The following PPFIBP2 variants were observed in gnomAD, a reference collection of about 807,000 sequenced individuals.
PPFIBP2 encodes the protein liprin-beta-2.
A neutral mutation model predicts 118.3 loss-of-function variants in PPFIBP2; 118 were observed. The ratio of observed to expected loss-of-function variants is 1.00; its 90% CI spans 0.86 to 1.16. The LOEUF (loss-of-function observed/expected upper bound fraction) is 1.16, where lower values mean the gene tolerates loss of function less well. PPFIBP2 is among the 50% of genes most tolerant of loss of function. The pLI is 0.00. For missense variants in PPFIBP2, 1,195 were observed against 1,073.1 expected (o/e 1.11, Z -1.59); for synonymous variants, 414 against 397.4 (o/e 1.04, Z -0.50).
intron 2 of PPFIBP2, among the ~76,000 whole-genome samples, chr11:7,560,485 T>C (rs1176189585): frequency 6.6e-6 from 1 of 152,172 alleles, no homozygotes; most frequent in Non-Finnish European, 1.5e-5. Context: ...CTTTAGATAA[T>C]TGTTTTTTAT....
At position 7,527,726 on chromosome 11, in the gene PPFIBP2, C is replaced by T. The variant is rs142724321; in HGVS notation, c.-37+13605C>T. 1.8e-4 allele frequency among the ~76,000 whole-genome samples: 27 copies of T among 152,160 alleles called. No individual in the cohort carries two copies. The East Asian group carries it at 4.4e-3, about 25-fold the overall frequency. The stretch of plus-strand genomic sequence containing the variant: ...AGGAAAGACAGGGACCAGAGTTGCC[C>T]GTTTCTATGGGGCTGAAGGGAATTG... On this transcript the variant is annotated intron_variant, in intron 1 of 23. Coordinates refer to ENST00000299492, the MANE Select transcript of PPFIBP2 (RefSeq NM_003621.5).
At chr11:7,636,540 C>T (rs1480112772) in intron 14 of PPFIBP2, among the ~76,000 whole-genome samples, 1 of 152,058 alleles carries the variant, frequency 6.6e-6, no homozygotes, top group Non-Finnish European at 1.5e-5. Context: ...GAAAGGCTTC[C>T]TATGGCGTCA....
At chr11:7,577,558 C>T (rs1382543281) in intron 3 of PPFIBP2, 2 of 456,434 alleles carry the variant, frequency 4.4e-6, no homozygotes, top group Non-Finnish European at 8.8e-6. Flanking sequence ...CTTTTTCCAC[C>T]AAGGCATCTA....
At chr11:7,597,351 A>C in intron 4 of PPFIBP2, 1 of 1,535,792 alleles carries the variant, frequency 6.5e-7, no homozygotes, top group Non-Finnish European at 8.7e-7. Context: ...TCATCAGAGC[A>C]GTGGCCGAGA....
downstream of PPFIBP2, chr11:7,653,824 C>T (rs980296992): frequency 8.5e-7 from 1 of 1,183,176 alleles, no homozygotes; most frequent in African/African-American, 1.6e-5. Flanking sequence ...AAATGGAGTC[C>T]TACGGATTGC....
downstream of PPFIBP2, among the ~76,000 whole-genome samples, chr11:7,655,821 A>G (rs1489516886): frequency 6.6e-6 from 1 of 151,662 alleles, no homozygotes; most frequent in African/African-American, 2.4e-5. Flanking sequence ...GCAACTCTAG[A>G]TCACCTGTCT....
the PPFIBP2 span, among the ~76,000 whole-genome samples, chr11:7,664,041 A>G: frequency 6.6e-6 from 1 of 151,968 alleles, no homozygotes; most frequent in Admixed American, 6.6e-5. Flanking sequence ...ACCTACACCC[A>G]CTGTCTGGCA....
the PPFIBP2 span, among the ~76,000 whole-genome samples, chr11:7,664,183 C>G: frequency 6.6e-6 from 1 of 152,144 alleles, no homozygotes. Flanking sequence ...TGCATGTTGT[C>G]ATTCTTAATG....
At chr11:7,598,720 T>C (rs943629220) in intron 5 of PPFIBP2, among the ~76,000 whole-genome samples, 3 of 152,150 alleles carry the variant, frequency 2.0e-5, no homozygotes, top group East Asian at 3.8e-4. Flanking sequence ...TTATAATCTT[T>C]CCTCCAAAAG....
At chr11:7,604,530 C>T (rs1847099645) in intron 5 of PPFIBP2, among the ~76,000 whole-genome samples, 2 of 149,910 alleles carry the variant, frequency 1.3e-5, no homozygotes, top group African/African-American at 4.9e-5. Context: ...CCTCCACACA[C>T]CTACTCACCC....
At chr11:7,544,752 C>G (rs1394548091) in intron 1 of PPFIBP2, among the ~76,000 whole-genome samples, 1 of 130,868 alleles carries the variant, frequency 7.6e-6, no homozygotes, top group Non-Finnish European at 1.6e-5. Flanking sequence ...CCAGCCTGGG[C>G]AACAGGGTGA....
chr11:7,634,966 G>A (rs1363908194), intron 13 of PPFIBP2, among the ~76,000 whole-genome samples: 2 of 152,160 alleles, frequency 1.3e-5, no homozygotes, highest in African/African-American at 2.4e-5. Context: ...ATGAATTAAT[G>A]TGAATAAAGG....
At chr11:7,569,615 G>C (rs1855424801) in intron 3 of PPFIBP2, among the ~76,000 whole-genome samples, 2 of 152,312 alleles carry the variant, frequency 1.3e-5, no homozygotes, top group South Asian at 4.1e-4. Context: ...GTGTCTTGGG[G>C]TCTAAGATGG....
chr11:7,578,993 C>T (rs4758198), intron 3 of PPFIBP2, among the ~76,000 whole-genome samples: 1 of 151,228 alleles, frequency 6.6e-6, no homozygotes, highest in Admixed American at 6.6e-5. Context: ...TTTGGGCAAC[C>T]TGGTTTGTGT....
chr11:7,515,953 C>T (rs1849192904), intron 1 of PPFIBP2, among the ~76,000 whole-genome samples: 1 of 152,168 alleles, frequency 6.6e-6, no homozygotes, highest in Non-Finnish European at 1.5e-5. Flanking sequence ...TTCCATAGGT[C>T]AGGGGTGGGA....
Position 7,641,639 on chromosome 11 carries a change from T to C in PPFIBP2, c.1517+19T>C. The stretch of plus-strand genomic sequence containing the variant: ...GGGGAAAGTAAGTTGGTGCCGTTGA[T>C]CCTAATTATATTGCTTAGAATTTTT... On this transcript the variant is annotated intron_variant, in intron 16 of 23. Coordinates refer to ENST00000299492, the MANE Select transcript of PPFIBP2 (RefSeq NM_003621.5). The C allele has an allele frequency of 6.2e-7, 1 of 1,612,332 alleles. No homozygotes were observed. The highest frequency in any genetic ancestry group is 8.5e-7 in the Non-Finnish European group (1 of 1,178,538).
chr11:7,648,339 C>A, intron 17 of PPFIBP2, 48 bp from the exon 18 acceptor site: 2 of 1,565,662 alleles, frequency 1.3e-6, no homozygotes, highest in Non-Finnish European at 1.7e-6. Context: ...AGATTCAGAA[C>A]CTCAGGCTCT....
At chr11:7,604,132 T>C (rs1383107112) in intron 5 of PPFIBP2, among the ~76,000 whole-genome samples, 1 of 152,010 alleles carries the variant, frequency 6.6e-6, no homozygotes, top group East Asian at 1.9e-4. Context: ...GAGAATGAGA[T>C]TAAGGGCTCC....
At position 7,610,145 on chromosome 11, in the gene PPFIBP2, A is replaced by G. The variant is rs892980729; in HGVS notation, c.487-146A>G. The G allele has an allele frequency of 1.7e-5, 18 of 1,038,982 alleles. No homozygotes were observed. In the Admixed American group the frequency reaches 3.5e-4, roughly 20 times the overall value. The allele number at this position is 1,038,982 out of a possible 1,614,324, so 64.4% of individuals were successfully genotyped here. A position where few individuals can be genotyped will look rare whatever the true frequency, so the allele number is the denominator to read the frequency against. On this transcript the variant is annotated intron_variant, in intron 5 of 23. Transcript: ENST00000299492. The stretch of plus-strand genomic sequence containing the variant: ...CCAGCATCAGCCCAGGCCCATCCAT[A>G]ATAGGCCTGTGACTCTCATGTAGCA...
Sources: gnomAD v4.1 joint callset for allele counts (sites outside exome capture counted in the v4.1 genomes callset) on GRCh38, gnomAD v4.1.1 for gene constraint, MANE v1.5 for transcripts, NCBI Gene and HGNC (gene_info 2026-07-23, HGNC 2026-07-21) for gene names.